The following CEP128 variants were observed in gnomAD, a reference collection of about 807,000 sequenced individuals.
CEP128 encodes centrosomal protein 128kDa.
CEP128 carries 132 observed loss-of-function variants against 156.7 expected under a neutral mutation model. The observed-to-expected ratio is 0.84, with a 90% CI of 0.73 to 0.97. The LOEUF (loss-of-function observed/expected upper bound fraction) is 0.97, where lower values mean the gene tolerates loss of function less well. Ranked by LOEUF, CEP128 falls within the 50% of genes least tolerant of loss-of-function variation. CEP128 has a pLI of 0.00. For synonymous variants in CEP128, 469 were observed against 448.9 expected, an observed-to-expected ratio of 1.04 and a Z score of -0.57; for missense variants, 1,252 against 1,281.9, an observed-to-expected ratio of 0.98 and a Z score of 0.36.
chr14:80,514,855 T>C (rs1415727790), intron 23 of CEP128, among the ~76,000 whole-genome samples: 1 of 152,160 alleles, frequency 6.6e-6, no homozygotes, highest in Non-Finnish European at 1.5e-5. Flanking sequence ...TTTGGATCCA[T>C]CCTTTCTGAG....
intron 16 of CEP128, among the ~76,000 whole-genome samples, chr14:80,777,003 T>G (rs1900828696): frequency 6.6e-6 from 1 of 152,158 alleles, no homozygotes; most frequent in Non-Finnish European, 1.5e-5. Context: ...GTGAGCCTGG[T>G]GGGGATGTAC....
intron 7 of CEP128, 80 bp downstream of exon 7, chr14:80,899,858 A>G (rs961482230): frequency 4.2e-5 from 42 of 1,001,316 alleles, no homozygotes; most frequent in Non-Finnish European, 5.6e-5. Flanking sequence ...TTAAAAATCT[A>G]GATAAATATG....
chr14:80,856,720 C>CTTTTTTTTT (rs766724436), intron 9 of CEP128, among the ~76,000 whole-genome samples: 13 of 65,158 alleles, frequency 2.0e-4, no homozygotes, highest in Non-Finnish European at 3.1e-4. Flanking sequence ...TTTTTCTTTT[C>CTTTTTTTTT]TTTTTTTTTT....
rs2139844301 is a variant in CEP128 at position 80,792,870 on chromosome 14, G to A, written c.1450C>T (p.Leu484=). 6.2e-7 allele frequency: 1 copy of A among 1,614,164 alleles called. No individual in the cohort carries two copies. Among genetic ancestry groups the A allele is most frequent in the East Asian group, 2.2e-5 (1 of 44,886 alleles). The stretch of plus-strand genomic sequence containing the variant: ...TGCCTAATGGATTCTTGAGCTTTCA[G>A]TTTCAGGTCTTCCCTCCTCTTCTCC... ...EAEKRREDLK[L]KAQESIRQWK... Residue 484 remains leucine, a synonymous_variant, in exon 14 of 25, where the codon CTG becomes TTG. Coordinates refer to ENST00000555265, the MANE Select transcript of CEP128 (RefSeq NM_152446.5).
At chr14:80,732,474 GTGT>G (rs1441059085) in intron 19 of CEP128, among the ~76,000 whole-genome samples, 13 of 85,598 alleles carry the variant, frequency 1.5e-4, no homozygotes, top group African/African-American at 4.6e-4. Flanking sequence ...TTAAGCAGGT[GTGT>G]GTGTGTGTGT....
intron 2 of CEP128, among the ~76,000 whole-genome samples, chr14:80,921,744 G>A (rs1440509560): frequency 6.6e-6 from 1 of 152,056 alleles, no homozygotes; most frequent in Non-Finnish European, 1.5e-5. Context: ...CAGGCGGACT[G>A]CCTCAGCTCA....
chr14:80,686,788 CA>C lies in CEP128; in HGVS notation c.2806+56286del, dbSNP rs562271245. Among the ~76,000 whole-genome samples, 84 of 151,804 alleles carry C rather than the reference CA, an allele frequency of 5.5e-4. 1 individual carries two copies. The highest frequency in any genetic ancestry group is 3.4e-3 in the Middle Eastern group (1 of 294). On this transcript the variant is annotated intron_variant, in intron 19 of 24. Coordinates refer to ENST00000555265, the MANE Select transcript of CEP128 (RefSeq NM_152446.5). ...CAAATGTTGCAATCCTAGTTTCTGA[CA>C]AAACAACCAACAAAGATTCTTGTTT... is the stretch of plus-strand genomic sequence containing the variant.
chr14:80,750,600 G>A (rs1466160807), intron 18 of CEP128, among the ~76,000 whole-genome samples: 2 of 152,060 alleles, frequency 1.3e-5, no homozygotes, highest in Non-Finnish European at 2.9e-5. Flanking sequence ...ATCACTTCAC[G>A]TTGCCTTTTC....
At chr14:80,859,902 C>T (rs1426168092) in intron 9 of CEP128, among the ~76,000 whole-genome samples, 2 of 152,084 alleles carry the variant, frequency 1.3e-5, no homozygotes, top group Non-Finnish European at 2.9e-5. Context: ...ATCTCTGCAT[C>T]CTATAATTTC....
chr14:80,677,613 G>A (rs1255015339), intron 19 of CEP128, among the ~76,000 whole-genome samples: 3 of 150,490 alleles, frequency 2.0e-5, no homozygotes, highest in African/African-American at 7.3e-5. Flanking sequence ...TGAAAGACAA[G>A]TAATGCTACT....
intron 19 of CEP128, among the ~76,000 whole-genome samples, chr14:80,646,590 A>T (rs552482978): frequency 2.2e-4 from 34 of 152,212 alleles, no homozygotes; most frequent in Admixed American, 1.6e-3. Context: ...GTATATGTAC[A>T]CAAACGTTAT....
intron 15 of CEP128, 142 bp downstream of exon 15, chr14:80,784,753 G>C: frequency 2.7e-6 from 2 of 749,562 alleles, no homozygotes; most frequent in Non-Finnish European, 2.1e-6. Context: ...GAACAGGCAT[G>C]AATAAGCCTC....
chr14:80,654,190 G>C (rs770291630), intron 19 of CEP128, among the ~76,000 whole-genome samples: 3 of 152,086 alleles, frequency 2.0e-5, no homozygotes, highest in Non-Finnish European at 2.9e-5. Flanking sequence ...TGACAAACCA[G>C]AAAGTGTCAT....
chr14:80,718,813 G>A (rs1161258615), intron 19 of CEP128, among the ~76,000 whole-genome samples: 1 of 152,150 alleles, frequency 6.6e-6, no homozygotes, highest in Admixed American at 6.5e-5. Flanking sequence ...CATAAAGCAG[G>A]CTAAATAGGT....
rs543679252 is a variant in CEP128, at chr14:80,504,823, C to T, written c.3181+89G>A. The T allele has an allele frequency of 6.1e-6, 3 of 489,792 alleles. No individual in the cohort carries two copies. In the East Asian group the frequency reaches 9.9e-5, roughly 16 times the overall value. The allele number at this position is 489,792 out of a possible 1,614,324, so 30.3% of individuals were successfully genotyped here. On this transcript the variant is annotated intron_variant, in intron 24 of 24. Coordinates refer to ENST00000555265, the MANE Select transcript of CEP128 (RefSeq NM_152446.5). ...GATTTTCTCAGACTTATGAATATTA[C>T]TATCATATACTGGCCTTAAACTAAT...
intron 23 of CEP128, among the ~76,000 whole-genome samples, chr14:80,508,930 T>C (rs974779090): frequency 6.6e-6 from 1 of 152,168 alleles, no homozygotes; most frequent in Non-Finnish European, 1.5e-5. Context: ...AGGGTTTAAT[T>C]GACTCACTGT....
intron 19 of CEP128, among the ~76,000 whole-genome samples, chr14:80,600,005 G>A (rs1892514598): frequency 6.6e-6 from 1 of 152,120 alleles, no homozygotes; most frequent in East Asian, 1.9e-4. Context: ...TACAGGGGTG[G>A]AGCAGAGGCT....
At chr14:80,694,709 T>C (rs1227263626) in intron 19 of CEP128, among the ~76,000 whole-genome samples, 10 of 137,362 alleles carry the variant, frequency 7.3e-5, no homozygotes, top group Middle Eastern at 3.4e-3. Flanking sequence ...TGAGAACACA[T>C]GGACTCAGGG....
At chr14:80,492,964 T>TA (rs1310829539), downstream of CEP128, among the ~76,000 whole-genome samples, 12 of 152,128 alleles carry the variant, frequency 7.9e-5, no homozygotes, top group Non-Finnish European at 1.5e-4. Context: ...AGTTTTCTTT[T>TA]AAAAATATAT....
Sources: gnomAD v4.1 joint callset for allele counts (sites outside exome capture counted in the v4.1 genomes callset) on GRCh38, gnomAD v4.1.1 for gene constraint, MANE v1.5 for transcripts, NCBI Gene and HGNC (gene_info 2026-07-23, HGNC 2026-07-21) for gene names.